Variants in AGO1 observed in about 807,000 individuals in gnomAD.
AGO1 encodes the protein argonaute RISC component 1.
AGO1 carries 11 observed loss-of-function variants against 109.2 expected under a neutral mutation model. The observed-to-expected ratio is 0.10, with a 90% CI of 0.06 to 0.17. The LOEUF (loss-of-function observed/expected upper bound fraction) is 0.17, where lower values mean the gene tolerates loss of function less well. Ranked by LOEUF, AGO1 falls within the 10% of genes least tolerant of loss-of-function variation. The probability of loss-of-function intolerance (pLI) is 1.00; values close to 1 mark genes in which losing one functional copy is unlikely to be tolerated. For missense variants in AGO1, 574 were observed against 1,140.3 expected, an observed-to-expected ratio of 0.50 and a Z score of 7.15; for synonymous variants, 422 against 418.6, an observed-to-expected ratio of 1.01 and a Z score of -0.10.
rs571547232 is a variant in AGO1, at chr1:35,927,026, T to C, written c.*7419T>C. 1 of 151,776 alleles carries C rather than the reference T, an allele frequency of 6.6e-6. No homozygotes were observed. The highest frequency in any genetic ancestry group is 1.9e-4 in the East Asian group (1 of 5,148). 9.4% of individuals were successfully genotyped at this position (151,776 alleles called of 1,614,324 possible). A position where few individuals can be genotyped will look rare whatever the true frequency, so the allele number is the denominator to read the frequency against. On this transcript the variant is annotated 3_prime_UTR_variant, in exon 19 of 19. Transcript: ENST00000373204. Reference sequence around the variant, plus strand: ...AGCCTTTGGTCCTTTGTCCCCATTTTCCAAAGGGAGGGAACTTTCCTCTTA... The same window carrying C: ...AGCCTTTGGTCCTTTGTCCCCATTTCCCAAAGGGAGGGAACTTTCCTCTTA...
chr1:35,881,006 G>A (rs72661611), upstream of AGO1, among the ~76,000 whole-genome samples: 3,727 of 152,246 alleles, frequency 0.024, 76 homozygotes, highest in Non-Finnish European at 0.038. Flanking sequence ...CACAACAACC[G>A]AATGAGGTAG....
chr1:35,881,822 G>T (rs908802976), upstream of AGO1, among the ~76,000 whole-genome samples: 3 of 152,244 alleles, frequency 2.0e-5, no homozygotes, highest in African/African-American at 7.2e-5. Flanking sequence ...TTATGGGAAA[G>T]TGATGTTTGA....
chr1:35,893,935 C>T lies in AGO1; in HGVS notation c.650-102C>T. 6.6e-7 allele frequency: 1 copy of T among 1,524,314 alleles called. No homozygotes were observed. Among genetic ancestry groups the T allele is most frequent in the Non-Finnish European group, 8.8e-7 (1 of 1,131,236 alleles). 94.4% of individuals were successfully genotyped at this position (1,524,314 alleles called of 1,614,324 possible). A position where few individuals can be genotyped will look rare whatever the true frequency, so the allele number is the denominator to read the frequency against. On this transcript the variant is annotated intron_variant, in intron 5 of 18. Coordinates refer to ENST00000373204, the MANE Select transcript of AGO1 (RefSeq NM_012199.5). The surrounding 1 kb of genome is among the most constrained non-coding windows in gnomAD (Gnocchi z 5.6). ...TCCTACAGCCCTGGCACCCCCTTCC[C>T]CCATCCCAATGCCCTTTAAGGAAGA...
intron 11 of AGO1, among the ~76,000 whole-genome samples, chr1:35,904,910 G>A (rs554776829): frequency 6.6e-6 from 1 of 152,204 alleles, no homozygotes; most frequent in Non-Finnish European, 1.5e-5. Context: ...CTGAGAAAGT[G>A]GGGGAAAACA....
chr1:35,885,626 A>G (rs1328450532), intron 1 of AGO1, among the ~76,000 whole-genome samples: 1 of 152,226 alleles, frequency 6.6e-6, no homozygotes, highest in Non-Finnish European at 1.5e-5. Flanking sequence ...AAAAAACAAC[A>G]ACAAAAAACC....
At chr1:35,883,154 C>G, upstream of AGO1, 1 of 1,128,976 alleles carries the variant, frequency 8.9e-7, no homozygotes, top group Non-Finnish European at 1.1e-6. The surrounding 1 kb of genome is among the most constrained non-coding windows in gnomAD (Gnocchi z 5.4). Context: ...GCCGTCGGAG[C>G]GCCCCGCTTG....
At chr1:35,870,427 G>A (rs956647572) in intron 1 of AGO1, among the ~76,000 whole-genome samples, 1 of 152,050 alleles carries the variant, frequency 6.6e-6, no homozygotes, top group African/African-American at 2.4e-5. Context: ...GGGACTATAG[G>A]CGCCCGCCAC....
At position 35,919,269 on chromosome 1, in the gene AGO1, C is replaced by A; in HGVS notation, c.2465+15C>A. On this transcript the variant is annotated intron_variant, in intron 18 of 18. Transcript: ENST00000373204. This position sits in a 1 kb window ranked among gnomAD's most constrained non-coding sequence, Gnocchi z 6.6. ...GAGCATGACAGGTGAGGCCTGGGATCAGGTTGGCCTCCTTTTTGCTTCAGC... is the reference window on the plus strand; with the variant it reads ...GAGCATGACAGGTGAGGCCTGGGATAAGGTTGGCCTCCTTTTTGCTTCAGC... 6.2e-7 allele frequency: 1 copy of A among 1,610,054 alleles called. No individual in the cohort carries two copies. Among genetic ancestry groups the A allele is most frequent in the South Asian group, 1.1e-5 (1 of 90,292 alleles).
rs2148727237 is a variant in AGO1, at chr1:35,921,234, A to G, written c.*1627A>G. On this transcript the variant is annotated 3_prime_UTR_variant, in exon 19 of 19. Coordinates refer to ENST00000373204, the MANE Select transcript of AGO1 (RefSeq NM_012199.5). ...CTCCCTATTGCTTCTGTTTACAAAA[A>G]TGAATTTTTCCTGGTTTCCCACTAG... 1 of 150,958 alleles carries G rather than the reference A, an allele frequency of 6.6e-6. No homozygotes were observed. The highest frequency in any genetic ancestry group is 3.5e-3 in the Middle Eastern group (1 of 282). 9.4% of individuals were successfully genotyped at this position (150,958 alleles called of 1,614,324 possible).
intron 7 of AGO1, among the ~76,000 whole-genome samples, chr1:35,894,813 C>A (rs1645289639): frequency 6.6e-6 from 1 of 152,194 alleles, no homozygotes. Flanking sequence ...AGTGTCTACT[C>A]TGTGTCAGGC....
chr1:35,918,546 G>T (rs1645775788), intron 17 of AGO1, 123 bp downstream of exon 17: 2 of 896,930 alleles, frequency 2.2e-6, no homozygotes, highest in South Asian at 2.9e-5. Flanking sequence ...TTTTCTGTTT[G>T]TTCTGTTTTG....
At chr1:35,904,351 C>T (rs886593747) in intron 11 of AGO1, among the ~76,000 whole-genome samples, 9 of 152,166 alleles carry the variant, frequency 5.9e-5, no homozygotes, top group South Asian at 4.2e-4. Flanking sequence ...ATGATCCACC[C>T]GCCTCGGCCT....
At chr1:35,917,763 C>T (rs1232307167) in intron 16 of AGO1, 36 bp downstream of exon 16, 1 of 1,602,814 alleles carries the variant, frequency 6.2e-7, no homozygotes, top group East Asian at 2.2e-5. Flanking sequence ...TCCCCTCCTT[C>T]TGTCTCCCTT....
At chr1:35,875,780 T>C (rs1279632134) in intron 1 of AGO1, among the ~76,000 whole-genome samples, 1 of 152,194 alleles carries the variant, frequency 6.6e-6, no homozygotes, top group Non-Finnish European at 1.5e-5. Context: ...TTTCAAAATA[T>C]TACTGCTCCT....
In AGO1 at chr1:35,893,369, GC is replaced by G; in HGVS notation, c.512+93del. The stretch of plus-strand genomic sequence containing the variant: ...AGCACATATTAAGGTCCCACAGAGT[GC>G]CATTAAAAAAAAAAATTATTTGAAG... On this transcript the variant is annotated intron_variant, in intron 4 of 18. Coordinates refer to ENST00000373204, the MANE Select transcript of AGO1 (RefSeq NM_012199.5). The surrounding 1 kb of genome is among the most constrained non-coding windows in gnomAD (Gnocchi z 5.6). 1 of 1,401,000 alleles carries G rather than the reference GC, an allele frequency of 7.1e-7. No individual in the cohort carries two copies. Among genetic ancestry groups the G allele is most frequent in the Non-Finnish European group, 9.6e-7 (1 of 1,038,490 alleles). The allele number at this position is 1,401,000 out of a possible 1,614,324, so 86.8% of individuals were successfully genotyped here.
chr1:35,906,959 G>T lies in AGO1; in HGVS notation c.1422G>T (p.Lys474Asn). Residue 474 changes from lysine to asparagine, a missense_variant, in exon 12 of 19, where the codon AAG becomes AAT. Around this residue, in one of 8 missense-constraint regions of AGO1, gnomAD observed 106 missense variants for 147.8 expected, o/e 0.72. Coordinates refer to ENST00000373204, the MANE Select transcript of AGO1 (RefSeq NM_012199.5). ...VLKNFTDQLR[K>N]ISKDAGMPIQ... ...GGAACTTCACAGACCAGCTGCGGAA[G>T]ATTTCCAAGGATGCGGGGATGCCTA... 1 of 1,613,732 alleles carries T rather than the reference G, an allele frequency of 6.2e-7. No individual in the cohort carries two copies. The highest frequency in any genetic ancestry group is 8.5e-7 in the Non-Finnish European group (1 of 1,179,758).
At chr1:35,910,698 A>G (rs1326480101) in intron 12 of AGO1, among the ~76,000 whole-genome samples, 2 of 152,218 alleles carry the variant, frequency 1.3e-5, no homozygotes, top group Non-Finnish European at 2.9e-5. Context: ...CATCATATGA[A>G]TATAACACCA....
intron 8 of AGO1, among the ~76,000 whole-genome samples, chr1:35,897,209 G>A (rs945349894): frequency 6.6e-6 from 1 of 152,174 alleles, no homozygotes; most frequent in African/African-American, 2.4e-5. Context: ...AATAGGTTAA[G>A]GGGATAGAAG....
chr1:35,893,743 C>T lies in AGO1; in HGVS notation c.582C>T (p.Arg194=), dbSNP rs1645265183. The part of the protein sequence containing the change: ...EGYYHPLGGG[R]EVWFGFHQSV... Reference sequence around the variant, plus strand: ...ACTACCACCCGCTGGGGGGTGGGCGCGAGGTCTGGTTCGGCTTTCACCAGT... The same window carrying T: ...ACTACCACCCGCTGGGGGGTGGGCGTGAGGTCTGGTTCGGCTTTCACCAGT... Residue 194 remains arginine (R), a synonymous_variant, in exon 5 of 19, where the codon CGC becomes CGT. Coordinates refer to ENST00000373204, the MANE Select transcript of AGO1 (RefSeq NM_012199.5). This position sits in a 1 kb window ranked among gnomAD's most constrained non-coding sequence, Gnocchi z 5.6. 1.2e-6 allele frequency: 2 copies of T among 1,614,016 alleles called. No individual in the cohort carries two copies. The highest frequency in any genetic ancestry group is 1.7e-6 in the Non-Finnish European group (2 of 1,179,948).
Sources: gnomAD v4.1 joint callset for allele counts (sites outside exome capture counted in the v4.1 genomes callset) on GRCh38, gnomAD v4.1.1 for gene constraint, gnomAD v4.1.1 regional missense constraint, Gnocchi (gnomAD v3.1) non-coding constraint, MANE v1.5 for transcripts, NCBI Gene and HGNC (gene_info 2026-07-23, HGNC 2026-07-21) for gene names.